The following CEP104 variants were observed in gnomAD, a reference collection of about 807,000 sequenced individuals.
The protein encoded by CEP104 is centrosomal protein of 104 kDa.
CEP104 carries 84 observed loss-of-function variants against 113.3 expected under a neutral mutation model. The observed-to-expected ratio is 0.74, with a 90% CI of 0.62 to 0.89. CEP104 has a LOEUF of 0.89. Among genes scored for constraint, CEP104 ranks in the 40% least tolerant of loss-of-function variants. The pLI, the probability that CEP104 is intolerant of heterozygous loss-of-function variation, is 0.00. For missense variants in CEP104, 1,053 were observed against 1,156.6 expected (o/e 0.91, Z 1.30); for synonymous variants, 378 against 421.7 (o/e 0.90, Z 1.27).
rs879681444 is a variant in CEP104 at position 3,819,720 on chromosome 1, C to T, written c.2572-3350G>A. Among the ~76,000 whole-genome samples the T allele has an allele frequency of 4.6e-5, 7 of 152,194 alleles. No individual in the cohort carries two copies. The East Asian group carries it at 9.6e-4, about 21-fold the overall frequency. On this transcript the variant is annotated intron_variant, in intron 20 of 21. Transcript: ENST00000378230. This position sits in a 1 kb window ranked among gnomAD's most constrained non-coding sequence, Gnocchi z 4.6. ...AGCAGTCTTCACACTCACGAGCCTG[C>T]AGGCAGGAGAGAAGGGAGGGAACGC... is the stretch of plus-strand genomic sequence containing the variant.
chr1:3,837,336 C>T lies in CEP104; in HGVS notation c.1075G>A (p.Val359Ile), dbSNP rs1291615562. The stretch of plus-strand genomic sequence containing the variant: ...TCTGTGGCAGGGAGTAACGGGTCTA[C>T]TGCAGAATGCTGAGGAGAAATAGTT... ...SLTISPQHSA[V>I]DPLLPATDPH... is the part of the protein sequence containing the mutation. Residue 359 changes from valine to isoleucine, a missense_variant, in exon 9 of 22, where the codon GTA becomes ATA. Coordinates refer to ENST00000378230, the MANE Select transcript of CEP104 (RefSeq NM_014704.4). 1 of 1,614,074 alleles carries T rather than the reference C, an allele frequency of 6.2e-7. No individual in the cohort carries two copies. Among genetic ancestry groups the T allele is most frequent in the South Asian group, 1.1e-5 (1 of 91,078 alleles).
At chr1:3,843,244 GGACA>G in intron 6 of CEP104, 1 of 712,364 alleles carries the variant, frequency 1.4e-6, no homozygotes, top group East Asian at 2.7e-5. Context: ...GAGGTGCCCA[GGACA>G]GAGAGGGTGA....
At chr1:3,838,845 G>A in intron 8 of CEP104, 119 bp downstream of exon 8, 6 of 1,078,138 alleles carry the variant, frequency 5.6e-6, no homozygotes, top group Non-Finnish European at 8.2e-6. Flanking sequence ...ACTGTCCCCT[G>A]AGCACTGCAG....
In CEP104 at chr1:3,837,450, T is replaced by C. The variant is rs144278349; in HGVS notation, c.961A>G (p.Met321Val). 38 of 1,614,106 alleles carry C rather than the reference T, an allele frequency of 2.4e-5. No homozygotes were observed. In the Admixed American group the frequency reaches 2.5e-4, roughly 11 times the overall value. The change falls in exon 9 of 22, where the codon ATG becomes GTG. Residue 321 changes from methionine to valine, a missense_variant. Physicochemically the swap from Met to Val is conservative, Grantham distance 21. Transcript: ENST00000378230. ...TCTTCCAGTTGTGGTAGTGAGGGCA[T>C]TGGCTTTTGGTGGCAAGGACTGCCA... ...RSGSPCHQKPMPSLPQLEERG... is the reference protein window; with the variant it reads ...RSGSPCHQKPVPSLPQLEERG...
chr1:3,846,126 T>TA, intron 4 of CEP104, among the ~76,000 whole-genome samples: 1 of 149,364 alleles, frequency 6.7e-6, no homozygotes, highest in Non-Finnish European at 1.5e-5. Flanking sequence ...TCATAATAGC[T>TA]AAAAACTCCC....
intron 7 of CEP104, 21 bp from the exon 8 acceptor site, chr1:3,839,140 T>A: frequency 6.2e-7 from 1 of 1,611,808 alleles, no homozygotes; most frequent in Non-Finnish European, 8.5e-7. Flanking sequence ...AAATATTTGC[T>A]TTTTCTTTCA....
Position 3,816,298 on chromosome 1 carries a change from C to A in CEP104, c.2644G>T (p.Ala882Ser), listed in dbSNP as rs185664269. Residue 882 changes from alanine (A) to serine (S), a missense_variant, in exon 21 of 22, where the codon GCC (alanine) becomes TCC (serine). Transcript: ENST00000378230. ...NLRKTHILQK[A>S]PALQPGKSSA... ...CCCTCACCTGGCTGCAGTGCCGGGGCCTTCTGCAGAATGTGTGTCTTGCGC... is the reference window on the plus strand; with the variant it reads ...CCCTCACCTGGCTGCAGTGCCGGGGACTTCTGCAGAATGTGTGTCTTGCGC... 4.4e-4 allele frequency: 685 copies of A among 1,552,854 alleles called. 3 individuals carry two copies. Among genetic ancestry groups the A allele is most frequent in the Middle Eastern group, 2.2e-3 (13 of 5,942 alleles).
chr1:3,829,629 C>T (rs1644160498), intron 14 of CEP104, 162 bp downstream of exon 14: 10 of 770,792 alleles, frequency 1.3e-5, no homozygotes, highest in Admixed American at 7.3e-5. Flanking sequence ...GTGGAGCAGC[C>T]GGGATCTGAA....
intron 6 of CEP104, among the ~76,000 whole-genome samples, chr1:3,841,921 G>A (rs1244153910): frequency 3.3e-5 from 5 of 152,176 alleles, no homozygotes; most frequent in Non-Finnish European, 5.9e-5. Flanking sequence ...CCCCAGCTGC[G>A]GTCTTTGTGG....
At chr1:3,825,075 A>AG (rs1279715395) in intron 18 of CEP104, among the ~76,000 whole-genome samples, 56 of 51,300 alleles carry the variant, frequency 1.1e-3, no homozygotes, top group South Asian at 3.6e-3. Context: ...CACTGTGGGA[A>AG]GGGAGCAGTG....
intron 20 of CEP104, among the ~76,000 whole-genome samples, chr1:3,821,788 A>G (rs890925651): frequency 6.6e-6 from 1 of 152,262 alleles, no homozygotes; most frequent in African/African-American, 2.4e-5. Context: ...GCAGATCCAG[A>G]CGATGAGAAG....
chr1:3,835,142 C>T (rs1557676407), intron 10 of CEP104, 50 bp from the exon 11 acceptor site: 2 of 1,448,224 alleles, frequency 1.4e-6, no homozygotes, highest in Non-Finnish European at 1.9e-6. Context: ...CATCCTCCAA[C>T]ACTACACAAC....
chr1:3,846,485 A>T (rs1013041968), intron 4 of CEP104, among the ~76,000 whole-genome samples: 3 of 152,244 alleles, frequency 2.0e-5, no homozygotes, highest in African/African-American at 7.2e-5. Flanking sequence ...CAGGGCACAT[A>T]TATTATCATT....
At chr1:3,829,580 G>A (rs991864138) in intron 14 of CEP104, 37 of 662,410 alleles carry the variant, frequency 5.6e-5, no homozygotes, top group Non-Finnish European at 7.9e-5. Flanking sequence ...TCGTTATTCC[G>A]TTTGCAGCCT....
chr1:3,833,528 A>G (rs1483836717), intron 12 of CEP104: 2 of 216,988 alleles, frequency 9.2e-6, no homozygotes, highest in African/African-American at 4.6e-5. Flanking sequence ...TGAAAGAATG[A>G]AAATATTTCT....
rs750177184 is a variant in CEP104, at chr1:3,829,316, C to T, written c.2101G>A (p.Ala701Thr). The T allele has an allele frequency of 3.7e-6, 6 of 1,601,854 alleles. No individual in the cohort carries two copies. In the East Asian group the frequency reaches 1.3e-4, roughly 36 times the overall value. The part of the protein sequence containing the change: ...AEKQKKEEIK[A>T]LQGQLAALKE... ...AGTGCTGCCAGCTGCCCTTGTAAAG[C>T]TTTTATTTCTTCTTTCTTTTGTTTT... Residue 701 changes from alanine to threonine, a missense_variant, in exon 15 of 22, where the codon GCT (alanine) becomes ACT (threonine). By Grantham distance (58) the Ala-to-Thr change is moderately conservative. Transcript: ENST00000378230.
rs1203821590 is a variant in CEP104, at chr1:3,836,715, G to C, written c.1120-23C>G. On this transcript the variant is annotated intron_variant, in intron 9 of 21. Transcript: ENST00000378230. Reference sequence around the variant, plus strand: ...TGCCTGCAGTGAGTGAAGGAGAGAGGAAAGTGCTGGGGAGCTCCATAGGTC... The same window carrying C: ...TGCCTGCAGTGAGTGAAGGAGAGAGCAAAGTGCTGGGGAGCTCCATAGGTC... The C allele has an allele frequency of 1.1e-5, 17 of 1,610,252 alleles. No individual in the cohort carries two copies. In the East Asian group the frequency reaches 3.1e-4, roughly 30 times the overall value.
Position 3,829,982 on chromosome 1 carries a change from G to C in CEP104, c.1852C>G (p.Leu618Val). The change falls in exon 14 of 22, where the codon CTG becomes GTG. Residue 618 changes from leucine to valine, a missense_variant. Coordinates refer to ENST00000378230, the MANE Select transcript of CEP104 (RefSeq NM_014704.4). ...CGGACCTCATACACTCTATGCTCCAGGGCACTCACTGAAAACTAAAGTTGG... is the reference window on the plus strand; with the variant it reads ...CGGACCTCATACACTCTATGCTCCACGGCACTCACTGAAAACTAAAGTTGG... ...DNVMKFSVSALEHRVYEVRET... is the reference protein window; with the variant it reads ...DNVMKFSVSAVEHRVYEVRET... 1 of 1,613,838 alleles carries C rather than the reference G, an allele frequency of 6.2e-7. No individual in the cohort carries two copies. The highest frequency in any genetic ancestry group is 8.5e-7 in the Non-Finnish European group (1 of 1,179,794).
At position 3,836,492 on chromosome 1, in the gene CEP104, T is replaced by TTTA. The variant is rs1553162946; in HGVS notation, c.1317+2_1317+3insTAA. ...CGTTTTTTTTTTTTTTTTTTTTTTT[T>TTTA]ACCAAGGTTTCTCCCAACACATCGA... On this transcript the variant is annotated splice_region_variant and intron_variant, in intron 10 of 21. Coordinates refer to ENST00000378230, the MANE Select transcript of CEP104 (RefSeq NM_014704.4). 1.3e-6 allele frequency: 2 copies of TTTA among 1,543,052 alleles called. No homozygotes were observed. Among genetic ancestry groups the TTTA allele is most frequent in the Non-Finnish European group, 1.7e-6 (2 of 1,149,612 alleles).
Sources: gnomAD v4.1 joint callset for allele counts (sites outside exome capture counted in the v4.1 genomes callset) on GRCh38, gnomAD v4.1.1 for gene constraint, Gnocchi (gnomAD v3.1) non-coding constraint, MANE v1.5 for transcripts, NCBI Gene and HGNC (gene_info 2026-07-23, HGNC 2026-07-21) for gene names.